The following SLCO4A1 variants were observed in gnomAD, a reference collection of about 807,000 sequenced individuals.
The protein encoded by SLCO4A1 is solute carrier organic anion transporter family member 4A1.
SLCO4A1 carries 51 observed loss-of-function variants against 64.6 expected under a neutral mutation model. The observed-to-expected ratio is 0.79, with a 90% CI of 0.63 to 1.00. The LOEUF (loss-of-function observed/expected upper bound fraction) is 1.00. SLCO4A1 is among the 50% of genes least tolerant of loss of function. The pLI is 0.00. For missense variants in SLCO4A1, 919 were observed against 980.5 expected (o/e 0.94, Z 0.84); for synonymous variants, 471 against 444.9 (o/e 1.06, Z -0.74).
chr20:62,663,859 G>T (rs968189278), intron 5 of SLCO4A1, among the ~76,000 whole-genome samples: 1 of 152,222 alleles, frequency 6.6e-6, no homozygotes, highest in African/African-American at 2.4e-5. Context: ...CACTGCACTG[G>T]CTGGGAGGGC....
Position 62,668,071 on chromosome 20 carries a change from T to C in SLCO4A1, c.1698T>C (p.Thr566=). 1 of 1,614,042 alleles carries C rather than the reference T, an allele frequency of 6.2e-7. No homozygotes were observed. Among genetic ancestry groups the C allele is most frequent in the Non-Finnish European group, 8.5e-7 (1 of 1,180,032 alleles). ...TTTCCTCTGGTTTTGGCCATGCCACTGCAGGGAAATGCACTTCAACTTGTC... is the reference window on the plus strand; with the variant it reads ...TTTCCTCTGGTTTTGGCCATGCCACCGCAGGGAAATGCACTTCAACTTGTC... ...QNLSSGFGHA[T]AGKCTSTCQR... Residue 566 remains threonine (T), a synonymous_variant, in exon 9 of 12, where the codon ACT becomes ACC. Transcript: ENST00000217159.
intron 2 of SLCO4A1, among the ~76,000 whole-genome samples, chr20:62,684,922 G>A (rs969506978): frequency 2.6e-5 from 4 of 152,232 alleles, no homozygotes; most frequent in South Asian, 2.1e-4. Context: ...CGAGAGCTGC[G>A]AGAATGGCAG....
chr20:62,669,718 C>T (rs192262508), intron 11 of SLCO4A1, among the ~76,000 whole-genome samples: 9 of 152,306 alleles, frequency 5.9e-5, no homozygotes, highest in African/African-American at 1.2e-4. Flanking sequence ...AGGATCTTGA[C>T]GCTCTTCCTT....
chr20:62,670,894 A>G (rs764736170), intron 11 of SLCO4A1, among the ~76,000 whole-genome samples: 9 of 152,256 alleles, frequency 5.9e-5, no homozygotes, highest in Non-Finnish European at 1.3e-4. Flanking sequence ...GCTCAGGGCC[A>G]TCAGCCAGGC....
At chr20:62,670,971 A>G (rs1424883782) in intron 11 of SLCO4A1, among the ~76,000 whole-genome samples, 1 of 152,252 alleles carries the variant, frequency 6.6e-6, no homozygotes, top group African/African-American at 2.4e-5. Context: ...AGTGGTGCAC[A>G]TGTACTCTGC....
chr20:62,672,973 C>T (rs139782726), downstream of SLCO4A1, among the ~76,000 whole-genome samples: 5 of 104,550 alleles, frequency 4.8e-5, no homozygotes, highest in South Asian at 2.8e-4. Context: ...CAGTCTGCAG[C>T]GCCTGCCAGG....
At chr20:62,664,138 C>T (rs547581472) in intron 5 of SLCO4A1, among the ~76,000 whole-genome samples, 30 of 152,222 alleles carry the variant, frequency 2.0e-4, no homozygotes, top group African/African-American at 4.6e-4. Flanking sequence ...CAGCCAGGAC[C>T]GCAACAGGCA....
At chr20:62,659,554 C>T (rs905410315) in intron 3 of SLCO4A1, among the ~76,000 whole-genome samples, 4 of 152,156 alleles carry the variant, frequency 2.6e-5, no homozygotes, top group Admixed American at 1.3e-4. Flanking sequence ...GGCTGGAGCT[C>T]GTGTCCCGGG....
intron 1 of SLCO4A1, chr20:62,643,056 G>A (rs748953798): frequency 2.1e-5 from 10 of 469,644 alleles, no homozygotes; most frequent in South Asian, 1.4e-4. Context: ...AAACCTTCAT[G>A]CACGGAAGTT....
chr20:62,655,856 A>T (rs1349346973), intron 1 of SLCO4A1, among the ~76,000 whole-genome samples: 2 of 152,180 alleles, frequency 1.3e-5, no homozygotes, highest in Admixed American at 1.3e-4. Context: ...GTGTGAACTT[A>T]AGGAAGAACA....
rs1987307752 is a variant in SLCO4A1, at chr20:62,672,089, A to C, written c.*196A>C. On this transcript the variant is annotated 3_prime_UTR_variant, in exon 12 of 12. Transcript: ENST00000217159. The stretch of plus-strand genomic sequence containing the variant: ...GCAGTGGGTGGGAGGAACTTGCATA[A>C]ATATATATTTATGGACACACAGTTT... 3 of 1,457,258 alleles carry C rather than the reference A, an allele frequency of 2.1e-6. No homozygotes were observed. Among genetic ancestry groups the C allele is most frequent in the Non-Finnish European group, 9.0e-7 (1 of 1,105,392 alleles). The allele number at this position is 1,457,258 out of a possible 1,614,324, so 90.3% of individuals were successfully genotyped here. A position where few individuals can be genotyped will look rare whatever the true frequency, so the allele number is the denominator to read the frequency against.
downstream of SLCO4A1, among the ~76,000 whole-genome samples, chr20:62,686,834 T>C (rs1189309720): frequency 6.7e-6 from 1 of 149,720 alleles, no homozygotes; most frequent in Non-Finnish European, 1.5e-5. Context: ...ATGAAAAGGG[T>C]GCCCCCGAAC....
downstream of SLCO4A1, chr20:62,672,463 T>C (rs6010817): frequency 0.18 from 33,120 of 179,328 alleles, 3,263 homozygotes; most frequent in African/African-American, 0.21. Flanking sequence ...CAGGCTCCCC[T>C]GCTGAGGATT....
chr20:62,684,864 G>A (rs138876673), intron 2 of SLCO4A1, among the ~76,000 whole-genome samples: 9 of 152,272 alleles, frequency 5.9e-5, no homozygotes, highest in South Asian at 2.1e-4. Context: ...CCCCATGGCC[G>A]TGGTGAGTTT....
Position 62,667,733 on chromosome 20 carries a change from C to G in SLCO4A1, c.1473-12C>G. On this transcript the variant is annotated splice_polypyrimidine_tract_variant and intron_variant, in intron 7 of 11. Coordinates refer to ENST00000217159, the MANE Select transcript of SLCO4A1 (RefSeq NM_016354.4). ...GCCTGGACCCTACCACTCGCTTGTC[C>G]CCCCTCTGCAGCCTCCTGCCCGAAG... 6.2e-7 allele frequency: 1 copy of G among 1,602,628 alleles called. No homozygotes were observed. The highest frequency in any genetic ancestry group is 1.3e-5 in the African/African-American group (1 of 74,866).
In SLCO4A1 at chr20:62,685,297, G is replaced by A. The variant is rs948895725; in HGVS notation, n.212-144G>A. 1.8e-5 allele frequency: 4 copies of A among 219,762 alleles called. No homozygotes were observed. The highest frequency in any genetic ancestry group is 7.1e-5 in the African/African-American group (3 of 42,498). The allele number at this position is 219,762 out of a possible 1,614,324, so 13.6% of individuals were successfully genotyped here. Reference sequence around the variant, plus strand: ...GCTGGGTCGGGGCTGGGCCCTGGCTGCCCTGGCTGCCCCCCGACACCTTCC... The same window carrying A: ...GCTGGGTCGGGGCTGGGCCCTGGCTACCCTGGCTGCCCCCCGACACCTTCC... On this transcript the variant is annotated intron_variant and non_coding_transcript_variant, in intron 2 of 2. Coordinates refer to the SLCO4A1 transcript ENST00000466818. This position sits in a 1 kb window ranked among gnomAD's most constrained non-coding sequence, Gnocchi z 4.6.
rs778834099 is a variant in SLCO4A1 at position 62,664,933 on chromosome 20, G to T, written c.1122-1G>T. On this transcript the variant is annotated splice_acceptor_variant, in intron 5 of 11. Coordinates refer to ENST00000217159, the MANE Select transcript of SLCO4A1 (RefSeq NM_016354.4). LOFTEE classifies it high-confidence loss of function. ...TTCTCCACACCCCCACCTCTGCCCA[G>T]CTCCATCTGGCTCCTGCTGAAGAAC... The T allele has an allele frequency of 1.2e-5, 19 of 1,602,668 alleles. No individual in the cohort carries two copies. The Admixed American group carries it at 1.9e-4, about 16-fold the overall frequency.
intron 1 of SLCO4A1, among the ~76,000 whole-genome samples, chr20:62,648,521 T>A (rs1240905976): frequency 6.6e-6 from 1 of 152,002 alleles, no homozygotes; most frequent in Admixed American, 6.5e-5. Flanking sequence ...GGGAGCCGTG[T>A]GGCCGGAGCC....
intron 5 of SLCO4A1, among the ~76,000 whole-genome samples, chr20:62,662,645 A>G (rs1985206644): frequency 6.6e-6 from 1 of 152,230 alleles, no homozygotes; most frequent in Non-Finnish European, 1.5e-5. Context: ...AGCATTTCAG[A>G]GAGTCAGGGC....
Sources: allele counts gnomAD v4.1 joint callset (sites outside exome capture counted in the v4.1 genomes callset), GRCh38; gene constraint gnomAD v4.1.1; non-coding constraint Gnocchi (gnomAD v3.1); transcripts MANE v1.5; gene names NCBI Gene and HGNC (gene_info 2026-07-23, HGNC 2026-07-21).